SAMD4A: variants seen among roughly 807,000 people sequenced by gnomAD.
The protein encoded by SAMD4A is sterile alpha motif domain containing 4A.
SAMD4A carries 33 observed loss-of-function variants against 81.3 expected under a neutral mutation model. That is an observed-to-expected ratio of 0.41 (90% confidence interval 0.31 to 0.54). The LOEUF is 0.54. Ranked by LOEUF, SAMD4A falls within the 20% of genes least tolerant of loss-of-function variation. SAMD4A has a pLI of 0.37. For synonymous variants in SAMD4A, 389 were observed against 382.1 expected (o/e 1.02, Z -0.21); for missense variants, 854 against 951.1 (o/e 0.90, Z 1.34).
At chr14:54,758,694 G>A (rs1317473732) in intron 6 of SAMD4A, among the ~76,000 whole-genome samples, 2 of 152,218 alleles carry the variant, frequency 1.3e-5, no homozygotes, top group African/African-American at 4.8e-5. Context: ...GTTGGGTGTG[G>A]TGGCACATGC....
At chr14:54,715,722 T>C (rs2037101702) in intron 3 of SAMD4A, among the ~76,000 whole-genome samples, 1 of 152,054 alleles carries the variant, frequency 6.6e-6, no homozygotes, top group African/African-American at 2.4e-5. Context: ...AAAAAGAAGA[T>C]AGCCTAAAAT....
intron 2 of SAMD4A, among the ~76,000 whole-genome samples, chr14:54,649,904 C>T (rs1170488146): frequency 2.0e-5 from 3 of 152,160 alleles, no homozygotes; most frequent in Non-Finnish European, 4.4e-5. Context: ...TAAAATGGCA[C>T]ATCTTGGGTT....
intron 6 of SAMD4A, among the ~76,000 whole-genome samples, chr14:54,752,004 G>A (rs961596503): frequency 1.3e-5 from 2 of 152,188 alleles, no homozygotes; most frequent in African/African-American, 4.8e-5. Flanking sequence ...CAGGTACACT[G>A]CAGATAGTGG....
chr14:54,726,741 C>T (rs2037423549), intron 3 of SAMD4A, among the ~76,000 whole-genome samples: 1 of 152,000 alleles, frequency 6.6e-6, no homozygotes, highest in African/African-American at 2.4e-5. Context: ...GTGACTTATT[C>T]TGGAATGGGA....
Position 54,702,443 on chromosome 14 carries a change from C to T in SAMD4A, c.578C>T (p.Ser193Phe). ...SDDKLNGWQN[S>F]RDSGICINAS... The stretch of plus-strand genomic sequence containing the variant: ...GACAAGCTCAATGGGTGGCAGAACT[C>T]TCGGGATTCTGGGATTTGCATCAAT... The change falls in exon 3 of 13, where the codon TCT (serine) becomes TTT (phenylalanine). Residue 193 changes from serine (S) to phenylalanine (F), a missense_variant. By Grantham distance (155) the Ser-to-Phe change is radical. This residue lies in a region of SAMD4A where 387 missense variants were observed against 405.8 expected (regional missense o/e 0.95). Transcript: ENST00000554335. 6.2e-7 allele frequency: 1 copy of T among 1,614,156 alleles called. No individual in the cohort carries two copies. Among genetic ancestry groups the T allele is most frequent in the Non-Finnish European group, 8.5e-7 (1 of 1,179,996 alleles).
chr14:54,751,751 C>T (rs2038107060), intron 6 of SAMD4A, among the ~76,000 whole-genome samples: 1 of 152,192 alleles, frequency 6.6e-6, no homozygotes, highest in Admixed American at 6.5e-5. Flanking sequence ...TTCCCTGGGC[C>T]CAGGCTGCCT....
chr14:54,708,653 T>C (rs2036915558), intron 3 of SAMD4A, among the ~76,000 whole-genome samples: 1 of 152,132 alleles, frequency 6.6e-6, no homozygotes, highest in Admixed American at 6.5e-5. Flanking sequence ...ACCCTTGAGG[T>C]TGGAGAAAAC....
intron 11 of SAMD4A, among the ~76,000 whole-genome samples, chr14:54,780,559 TAATA>T (rs1037645898): frequency 6.6e-6 from 1 of 152,202 alleles, no homozygotes; most frequent in Non-Finnish European, 1.5e-5. Flanking sequence ...CCATGTCTTC[TAATA>T]AATCAAGGCA....
intron 4 of SAMD4A, among the ~76,000 whole-genome samples, chr14:54,745,607 C>G (rs2037948950): frequency 6.6e-6 from 1 of 152,226 alleles, no homozygotes; most frequent in Non-Finnish European, 1.5e-5. Flanking sequence ...AGGGTCATGT[C>G]TTCACAGAGC....
intron 2 of SAMD4A, among the ~76,000 whole-genome samples, chr14:54,627,990 T>G (rs1298394606): frequency 6.6e-6 from 1 of 151,692 alleles, no homozygotes; most frequent in African/African-American, 2.4e-5. Context: ...AGAAGAGAGG[T>G]CTGTTTATTT....
rs1195965121 is a variant in SAMD4A at position 54,757,412 on chromosome 14, TG to T, written c.1177-2748del. 2.2e-3 allele frequency among the ~76,000 whole-genome samples: 319 copies of T among 147,592 alleles called. 2 individuals carry two copies. The highest frequency in any genetic ancestry group is 7.6e-3 in the African/African-American group (295 of 38,630). On this transcript the variant is annotated intron_variant, in intron 6 of 12. Transcript: ENST00000554335. ...GTGTGTGTGTGTGTGTGTGTGTGTGTGTGTGTGTGTGTGTGTTTTGTTTTGT... is the reference window on the plus strand; with the variant it reads ...GTGTGTGTGTGTGTGTGTGTGTGTGTTGTGTGTGTGTGTGTTTTGTTTTGT...
chr14:54,634,474 G>A (rs1212656788), intron 2 of SAMD4A, among the ~76,000 whole-genome samples: 4 of 152,136 alleles, frequency 2.6e-5, no homozygotes, highest in Non-Finnish European at 5.9e-5. Context: ...ACGGGCCAGG[G>A]TAGTGGGGAC....
At chr14:54,574,188 A>T (rs2033217161) in intron 2 of SAMD4A, among the ~76,000 whole-genome samples, 1 of 152,168 alleles carries the variant, frequency 6.6e-6, no homozygotes, top group Admixed American at 6.5e-5. Flanking sequence ...AGTAGCTTAC[A>T]CTCGAGTTGC....
At chr14:54,767,131 T>C (rs1216058244) in intron 8 of SAMD4A, among the ~76,000 whole-genome samples, 2 of 152,176 alleles carry the variant, frequency 1.3e-5, no homozygotes, top group Admixed American at 6.5e-5. Context: ...TTTATGATTT[T>C]ACTTTGAGAG....
At chr14:54,735,671 C>T (rs777863977) in intron 3 of SAMD4A, among the ~76,000 whole-genome samples, 7 of 152,234 alleles carry the variant, frequency 4.6e-5, no homozygotes, top group African/African-American at 1.7e-4. Context: ...CAGCCCACTA[C>T]TGCCCCAGAC....
chr14:54,756,603 A>T (rs548913963), intron 6 of SAMD4A, among the ~76,000 whole-genome samples: 26 of 152,228 alleles, frequency 1.7e-4, no homozygotes, highest in Non-Finnish European at 3.5e-4. Context: ...TGATGGGTGC[A>T]TGAGAGGAGG....
chr14:54,665,437 T>G (rs1483750215), intron 2 of SAMD4A, among the ~76,000 whole-genome samples: 2 of 152,202 alleles, frequency 1.3e-5, no homozygotes, highest in Admixed American at 1.3e-4. Flanking sequence ...GGTGTTTTAT[T>G]CTAGAGCATA....
At chr14:54,684,611 C>T (rs1415494948) in intron 2 of SAMD4A, among the ~76,000 whole-genome samples, 16 of 58,808 alleles carry the variant, frequency 2.7e-4, no homozygotes, top group Admixed American at 2.1e-3. Flanking sequence ...CAGACACCCC[C>T]GCCCCCCCCC....
At chr14:54,587,717 C>A (rs1055605517) in intron 2 of SAMD4A, among the ~76,000 whole-genome samples, 4 of 152,146 alleles carry the variant, frequency 2.6e-5, no homozygotes, top group African/African-American at 9.7e-5. Flanking sequence ...TAAATCATCC[C>A]TGCATCCCTG....
Sources: allele counts gnomAD v4.1 joint callset (sites outside exome capture counted in the v4.1 genomes callset), GRCh38; gene constraint gnomAD v4.1.1; regional missense constraint gnomAD v4.1.1; transcripts MANE v1.5; gene names NCBI Gene and HGNC (gene_info 2026-07-23, HGNC 2026-07-21).